The following BCL9 variants were observed in gnomAD, a reference collection of about 807,000 sequenced individuals.
The protein encoded by BCL9 is BCL9 transcription coactivator.
Under a neutral mutation model 88.5 loss-of-function variants are expected in BCL9, and 25 were observed. That is an observed-to-expected ratio of 0.28 (90% CI 0.21 to 0.39). BCL9 has a LOEUF of 0.39. Ranked by LOEUF, BCL9 falls within the 10% of genes least tolerant of loss-of-function variation. The probability of loss-of-function intolerance (pLI) is 1.00; values close to 1 mark genes in which losing one functional copy is unlikely to be tolerated. For missense variants in BCL9, 1,817 were observed against 1,877.8 expected (o/e 0.97, Z 0.60); for synonymous variants, 711 against 673.3 (o/e 1.06, Z -0.87).
intron 7 of BCL9, 37 bp downstream of exon 7, chr1:147,615,939 T>C (rs781798491): frequency 2.6e-6 from 4 of 1,562,460 alleles, no homozygotes; most frequent in Admixed American, 3.4e-5. Context: ...GGTTTAATGA[T>C]TCTACAGTGA....
rs1658457147 is a variant in BCL9 at position 147,619,112 on chromosome 1, G to C, written c.957G>C (p.Gln319His). Reference sequence around the variant, plus strand: ...ATAGGGCAGTGACCCCTGTCTCCCAGGGGAGCAATAGCTCTTCAGCAGATC... The same window carrying C: ...ATAGGGCAGTGACCCCTGTCTCCCACGGGAGCAATAGCTCTTCAGCAGATC... ...PNNRAVTPVS[Q>H]GSNSSSADPK... The change falls in exon 8 of 10, where the codon CAG becomes CAC. Residue 319 changes from glutamine (Q) to histidine (H), a missense_variant. By Grantham distance (24) the Gln-to-His change is conservative. Transcript: ENST00000234739. This position sits in a 1 kb window ranked among gnomAD's most constrained non-coding sequence, Gnocchi z 4.1. 6.2e-7 allele frequency: 1 copy of C among 1,613,712 alleles called. No homozygotes were observed. The highest frequency in any genetic ancestry group is 8.5e-7 in the Non-Finnish European group (1 of 1,179,892).
intron 1 of BCL9, among the ~76,000 whole-genome samples, chr1:147,571,605 AC>A (rs1350024415): frequency 6.6e-6 from 1 of 151,834 alleles, no homozygotes; most frequent in Non-Finnish European, 1.5e-5. Flanking sequence ...GTGAAAAAGC[AC>A]CCTTTTCCCT....
At chr1:147,566,509 A>C (rs1655602211) in intron 1 of BCL9, among the ~76,000 whole-genome samples, 1 of 151,988 alleles carries the variant, frequency 6.6e-6, no homozygotes, top group Non-Finnish European at 1.5e-5. Flanking sequence ...TATTCCCAGC[A>C]CTTTGGGGAG....
At chr1:147,561,633 A>G (rs1655381171) in intron 1 of BCL9, among the ~76,000 whole-genome samples, 2 of 152,216 alleles carry the variant, frequency 1.3e-5, no homozygotes, top group South Asian at 4.1e-4. Context: ...CTTCCTTCAC[A>G]TCATGTTTTC....
chr1:147,568,573 AT>A (rs1356523092), intron 1 of BCL9, among the ~76,000 whole-genome samples: 62 of 149,262 alleles, frequency 4.2e-4, no homozygotes, highest in South Asian at 1.3e-3. Context: ...ACCGAGGGGG[AT>A]TTTTTTTTTC....
chr1:147,542,045 C>T lies in BCL9; in HGVS notation c.-478+371C>T, dbSNP rs1257546130. Among the ~76,000 whole-genome samples, 4 of 152,176 alleles carry T rather than the reference C, an allele frequency of 2.6e-5. No homozygotes were observed. In the East Asian group the frequency reaches 7.7e-4, roughly 29 times the overall value. Reference sequence around the variant, plus strand: ...ACCCCAGCCCAGAGCCCAGGGAGGCCTTGCAGGCTCCGAGCTGTGCATTCT... The same window carrying T: ...ACCCCAGCCCAGAGCCCAGGGAGGCTTTGCAGGCTCCGAGCTGTGCATTCT... On this transcript the variant is annotated intron_variant, in intron 1 of 9. Transcript: ENST00000234739.
chr1:147,603,323 G>A (rs1210738245), intron 1 of BCL9, among the ~76,000 whole-genome samples: 1 of 152,190 alleles, frequency 6.6e-6, no homozygotes, highest in Non-Finnish European at 1.5e-5. Context: ...CCATGGAGAT[G>A]GAAGATAGAT....
chr1:147,584,908 T>C (rs946434566), intron 1 of BCL9, among the ~76,000 whole-genome samples: 1 of 152,206 alleles, frequency 6.6e-6, no homozygotes, highest in African/African-American at 2.4e-5. Flanking sequence ...ACAAAGGCTC[T>C]ATTTGTAACC....
chr1:147,575,904 A>G (rs587621376), intron 1 of BCL9, among the ~76,000 whole-genome samples: 1 of 152,278 alleles, frequency 6.6e-6, no homozygotes, highest in South Asian at 2.1e-4. Context: ...TGTACCTAAC[A>G]CTTTCAGAAT....
rs2291774 is a variant in BCL9, at chr1:147,606,478, C to T, written c.-342-306C>T. On this transcript the variant is annotated intron_variant, in intron 2 of 9. Coordinates refer to ENST00000234739, the MANE Select transcript of BCL9 (RefSeq NM_004326.4). ...CAAAATTATGAGGAGTTTCTTTCTA[C>T]TAAATTCCCAGAATTCTAAAAAGTA... 3.3e-5 allele frequency among the ~76,000 whole-genome samples: 5 copies of T among 152,302 alleles called. No individual in the cohort carries two copies. The East Asian group carries it at 9.7e-4, about 29-fold the overall frequency.
Position 147,625,770 on chromosome 1 carries a change from C to T in BCL9, c.*811C>T, listed in dbSNP as rs1447804034. 3.9e-5 allele frequency: 9 copies of T among 233,248 alleles called. No individual in the cohort carries two copies. Among genetic ancestry groups the T allele is most frequent in the Middle Eastern group, 2.5e-3 (2 of 788 alleles). 14.4% of individuals were successfully genotyped at this position (233,248 alleles called of 1,614,324 possible). On this transcript the variant is annotated 3_prime_UTR_variant, in exon 10 of 10. Coordinates refer to ENST00000234739, the MANE Select transcript of BCL9 (RefSeq NM_004326.4). The stretch of plus-strand genomic sequence containing the variant: ...TTAAGTGTTTCCTTCCTTTGTGCCC[C>T]CCGCTGGTGACCCTCTGCTTCCCTC...
intron 1 of BCL9, among the ~76,000 whole-genome samples, chr1:147,599,613 G>A (rs1160283642): frequency 6.6e-6 from 1 of 152,144 alleles, no homozygotes; most frequent in Non-Finnish European, 1.5e-5. Context: ...CGCCCCGCCG[G>A]CCCCTCAGGA....
chr1:147,625,013 G>C lies in BCL9; in HGVS notation c.*54G>C, dbSNP rs1658867844. On this transcript the variant is annotated 3_prime_UTR_variant, in exon 10 of 10. Coordinates refer to ENST00000234739, the MANE Select transcript of BCL9 (RefSeq NM_004326.4). The stretch of plus-strand genomic sequence containing the variant: ...GTCAAGATGAGATTCCAGGTCCTGA[G>C]AGCTGCTTTGAGGGAGTTCCAGGAG... 1.9e-6 allele frequency: 3 copies of C among 1,560,870 alleles called. No individual in the cohort carries two copies. In the Admixed American group the frequency reaches 5.2e-5, roughly 27 times the overall value.
chr1:147,542,354 T>G (rs1331128026), intron 1 of BCL9, among the ~76,000 whole-genome samples: 1 of 152,228 alleles, frequency 6.6e-6, no homozygotes, highest in Non-Finnish European at 1.5e-5. Context: ...TCGTAGAGAC[T>G]GTTGAGTTGT....
At chr1:147,618,367 G>A (rs587605289) in intron 7 of BCL9, among the ~76,000 whole-genome samples, 2 of 152,282 alleles carry the variant, frequency 1.3e-5, no homozygotes, top group East Asian at 3.9e-4. Flanking sequence ...GGCAACATCA[G>A]GCCTTTTGAT....
chr1:147,598,549 T>G (rs1657155906), intron 1 of BCL9, among the ~76,000 whole-genome samples: 7 of 152,208 alleles, frequency 4.6e-5, no homozygotes, highest in Admixed American at 4.6e-4. Context: ...CAAGGAAGGT[T>G]TCCTTTAGGA....
rs782586143 is a variant in BCL9, at chr1:147,624,763, A to T, written c.4085A>T (p.Asp1362Val). Reference protein sequence around the residue: ...AAAVGMIPGKDRGPAGLYTHP... With the variant: ...AAAVGMIPGKVRGPAGLYTHP... ...GCCGTGGGCATGATTCCTGGCAAGG[A>T]TCGGGGGCCTGCCGGGCTCTACACC... The change falls in exon 10 of 10, where the codon GAT (aspartate) becomes GTT (valine). Residue 1362 changes from aspartate (D) to valine (V), a missense_variant. Physicochemically the swap from Asp to Val is radical, Grantham distance 152. Around this residue, in one of 2 missense-constraint regions of BCL9, gnomAD observed 589 missense variants for 686.2 expected, o/e 0.86. Coordinates refer to ENST00000234739, the MANE Select transcript of BCL9 (RefSeq NM_004326.4). The surrounding 1 kb of genome is among the most constrained non-coding windows in gnomAD (Gnocchi z 4.4). The T allele has an allele frequency of 6.2e-7, 1 of 1,614,104 alleles. No homozygotes were observed. Among genetic ancestry groups the T allele is most frequent in the Non-Finnish European group, 8.5e-7 (1 of 1,179,998 alleles).
intron 1 of BCL9, among the ~76,000 whole-genome samples, chr1:147,585,281 T>C (rs782388828): frequency 1.3e-5 from 2 of 152,206 alleles, no homozygotes; most frequent in Non-Finnish European, 2.9e-5. Flanking sequence ...GCCTTCTGTT[T>C]TTCTGACAGC....
At chr1:147,563,934 C>T (rs587620741) in intron 1 of BCL9, among the ~76,000 whole-genome samples, 9 of 152,238 alleles carry the variant, frequency 5.9e-5, no homozygotes, top group Admixed American at 2.0e-4. Flanking sequence ...GACTCAGAAA[C>T]GTTAAATCCT....
Sources: gnomAD v4.1 joint callset for allele counts (sites outside exome capture counted in the v4.1 genomes callset) on GRCh38, gnomAD v4.1.1 for gene constraint, gnomAD v4.1.1 regional missense constraint, Gnocchi (gnomAD v3.1) non-coding constraint, MANE v1.5 for transcripts, NCBI Gene and HGNC (gene_info 2026-07-23, HGNC 2026-07-21) for gene names.